Variants in ZNF846 observed in about 807,000 individuals in gnomAD.
The protein encoded by ZNF846 is zinc finger protein 420 pseudogene.
ZNF846 carries 15 observed loss-of-function variants against 16.0 expected under a neutral mutation model. The ratio of observed to expected loss-of-function variants is 0.94; its 90% CI spans 0.63 to 1.45. The LOEUF (loss-of-function observed/expected upper bound fraction) is 1.45, where lower values mean the gene tolerates loss of function less well. Ranked by LOEUF, ZNF846 falls within the 40% of genes most tolerant of loss-of-function variation. ZNF846 has a pLI of 0.00. For missense variants in ZNF846, 714 were observed against 622.3 expected, an observed-to-expected ratio of 1.15 and a Z score of -1.57; for synonymous variants, 229 against 212.0, an observed-to-expected ratio of 1.08 and a Z score of -0.70.
intron 1 of ZNF846, among the ~76,000 whole-genome samples, chr19:9,766,686 G>A (rs1272965997): frequency 6.6e-6 from 1 of 151,556 alleles, no homozygotes; most frequent in Non-Finnish European, 1.5e-5. Flanking sequence ...GACCATCCTG[G>A]CCAACATGGT....
intron 3 of ZNF846, 108 bp downstream of exon 3, chr19:9,763,174 C>G (rs1045306764): frequency 1.5e-5 from 16 of 1,048,206 alleles, no homozygotes; most frequent in Non-Finnish European, 1.7e-5. Context: ...TGTCCACTGG[C>G]CAAGGTCCAT....
chr19:9,750,358 C>A (rs185890931), downstream of ZNF846, among the ~76,000 whole-genome samples: 231 of 152,296 alleles, frequency 1.5e-3, 4 homozygotes, highest in Non-Finnish European at 1.8e-3. Context: ...ACCATGAGAA[C>A]TGAACCTTCC....
At chr19:9,749,347 C>T (rs997294280), downstream of ZNF846, among the ~76,000 whole-genome samples, 3 of 152,204 alleles carry the variant, frequency 2.0e-5, no homozygotes, top group East Asian at 5.8e-4. Flanking sequence ...AGTCATACAC[C>T]TATTCATCAT....
At chr19:9,754,960 G>A (rs2045119626), downstream of ZNF846, among the ~76,000 whole-genome samples, 2 of 151,212 alleles carry the variant, frequency 1.3e-5, no homozygotes, top group Admixed American at 6.6e-5. Context: ...CCACCTCCCA[G>A]GTTCAAGCAA....
downstream of ZNF846, among the ~76,000 whole-genome samples, chr19:9,750,324 C>T (rs888216482): frequency 2.0e-5 from 3 of 152,126 alleles, no homozygotes; most frequent in African/African-American, 4.8e-5. Context: ...AGACTACTCA[C>T]AGATACTATG....
At position 9,757,643 on chromosome 19, in the gene ZNF846, A is replaced by T. The variant is rs760863861; in HGVS notation, c.1434T>A (p.Tyr478Ter). The change falls in exon 6 of 6, where the codon TAT becomes TAA. Residue 478 changes from tyrosine (Y) to a stop codon, truncating the protein, a stop_gained. Transcript: ENST00000397902. LOFTEE classifies it low-confidence loss of function (END_TRUNC). ...AGGCTTTCCCACATTCTTTACATGC[A>T]TAAGGCTTTTCTCCTGTGTGCGTTC... 6.2e-7 allele frequency: 1 copy of T among 1,613,502 alleles called. No individual in the cohort carries two copies. The highest frequency in any genetic ancestry group is 8.5e-7 in the Non-Finnish European group (1 of 1,180,006).
chr19:9,783,540 A>ATATATATATATATATATAT (rs1415322257), intron 1 of ZNF846, among the ~76,000 whole-genome samples: 5 of 120,506 alleles, frequency 4.1e-5, no homozygotes, highest in African/African-American at 1.6e-4. Flanking sequence ...AAAAAAAAAA[A>ATATATATATATATATATAT]AAAAATATAT....
At chr19:9,763,189 G>T in intron 3 of ZNF846, 93 bp downstream of exon 3, 4 of 1,168,112 alleles carry the variant, frequency 3.4e-6, no homozygotes, top group South Asian at 2.0e-5. Context: ...GTCCATGCCT[G>T]TCTTGCTTAT....
chr19:9,773,494 A>G (rs1370215275), upstream of ZNF846, among the ~76,000 whole-genome samples: 1 of 152,130 alleles, frequency 6.6e-6, no homozygotes, highest in Non-Finnish European at 1.5e-5. Context: ...TGAAACATAG[A>G]ATTGCAGCTG....
downstream of ZNF846, chr19:9,752,480 T>A: frequency 2.5e-6 from 1 of 404,496 alleles, no homozygotes; most frequent in Non-Finnish European, 5.0e-6. Context: ...CTGAGCTTGG[T>A]GGTGCATGCC....
upstream of ZNF846, among the ~76,000 whole-genome samples, chr19:9,768,991 G>A (rs754991642): frequency 7.2e-5 from 11 of 152,246 alleles, no homozygotes; most frequent in Non-Finnish European, 1.2e-4. Context: ...GGCGGGGACT[G>A]GCGCAGCGGG....
At chr19:9,765,028 A>T in exon 2 of ZNF846, 1 of 1,530,294 alleles carries the variant, frequency 6.5e-7, no homozygotes, top group Admixed American at 1.7e-5. Flanking sequence ...TGTCCTGGAA[A>T]AAATGACCTT....
intron 1 of ZNF846, among the ~76,000 whole-genome samples, chr19:9,777,251 G>T (rs2045455471): frequency 6.6e-6 from 1 of 151,964 alleles, no homozygotes; most frequent in Non-Finnish European, 1.5e-5. Flanking sequence ...AGGATTGCTT[G>T]AACCCAGGAG....
intron 1 of ZNF846, among the ~76,000 whole-genome samples, chr19:9,773,812 T>C (rs139688361): frequency 3.3e-5 from 5 of 151,800 alleles, no homozygotes; most frequent in Non-Finnish European, 5.9e-5. Flanking sequence ...AAAAAGTAAA[T>C]AAGCATAGAA....
chr19:9,778,803 C>CAA (rs56001426), intron 1 of ZNF846, among the ~76,000 whole-genome samples: 7,270 of 50,336 alleles, frequency 0.14, 488 homozygotes, highest in Admixed American at 0.23. Flanking sequence ...AAACTCGTCT[C>CAA]AAAAAAAAAA....
chr19:9,750,238 C>A (rs2045073260), downstream of ZNF846, among the ~76,000 whole-genome samples: 1 of 152,170 alleles, frequency 6.6e-6, no homozygotes, highest in South Asian at 2.1e-4. Flanking sequence ...TTTGGCTACC[C>A]TCGCCCTGCT....
chr19:9,757,102 G>A (rs1449194785), downstream of ZNF846, among the ~76,000 whole-genome samples: 2 of 151,432 alleles, frequency 1.3e-5, no homozygotes, highest in Non-Finnish European at 2.9e-5. Flanking sequence ...GGCTGAGGTG[G>A]GAGAATTCCT....
chr19:9,758,065 A>G, exon 6 of ZNF846: 6 of 1,613,588 alleles, frequency 3.7e-6, no homozygotes, highest in South Asian at 1.1e-5. Context: ...TTACATTCAT[A>G]TGGCTTTTCT....
downstream of ZNF846, among the ~76,000 whole-genome samples, chr19:9,750,953 G>C (rs879395318): frequency 2.6e-5 from 4 of 152,110 alleles, no homozygotes; most frequent in Non-Finnish European, 4.4e-5. Context: ...ACTTTAATCA[G>C]TCTGGCCTGG....
Sources: allele counts gnomAD v4.1 joint callset (sites outside exome capture counted in the v4.1 genomes callset), GRCh38; gene constraint gnomAD v4.1.1; transcripts MANE v1.5; gene names NCBI Gene and HGNC (gene_info 2026-07-23, HGNC 2026-07-21).